SLX4IP: variants seen among roughly 807,000 people sequenced by gnomAD.
The protein encoded by SLX4IP is SLX4 interacting protein.
In SLX4IP, 34 loss-of-function variants were observed where a neutral mutation model predicts 32.9. That is an observed-to-expected ratio of 1.03 (90% CI 0.79 to 1.38). The LOEUF (loss-of-function observed/expected upper bound fraction) is 1.38. SLX4IP is among the 40% of genes most tolerant of loss of function. SLX4IP has a pLI of 0.00. For synonymous variants in SLX4IP, 172 were observed against 171.7 expected, an observed-to-expected ratio of 1.00 and a Z score of -0.01; for missense variants, 444 against 479.0, an observed-to-expected ratio of 0.93 and a Z score of 0.68.
chr20:10,437,196 G>C (rs893181690), intron 1 of SLX4IP, among the ~76,000 whole-genome samples: 1 of 152,108 alleles, frequency 6.6e-6, no homozygotes, highest in African/African-American at 2.4e-5. Context: ...TGGGATCATA[G>C]CTCACTGTAA....
chr20:10,524,169 C>G (rs631484), intron 2 of SLX4IP, among the ~76,000 whole-genome samples: 79,504 of 152,114 alleles, frequency 0.52, 21,743 homozygotes, highest in South Asian at 0.69. Context: ...AGCTGCAGGC[C>G]TCATGGGGTT....
chr20:10,443,227 AC>A (rs1338239502), intron 1 of SLX4IP, among the ~76,000 whole-genome samples: 32 of 152,166 alleles, frequency 2.1e-4, no homozygotes, highest in Admixed American at 2.0e-3. Context: ...CTAAAAAAAA[AC>A]AAAAACAAAA....
intron 2 of SLX4IP, among the ~76,000 whole-genome samples, chr20:10,510,636 C>T (rs1267966162): frequency 1.3e-5 from 2 of 149,586 alleles, no homozygotes; most frequent in Admixed American, 6.7e-5. Context: ...GATGCAGTCT[C>T]GCTCTGTCAC....
intron 2 of SLX4IP, among the ~76,000 whole-genome samples, chr20:10,539,416 T>C (rs1439793266): frequency 6.6e-6 from 1 of 152,076 alleles, no homozygotes; most frequent in Non-Finnish European, 1.5e-5. Context: ...AGTAAATCTG[T>C]AGGGAATCCT....
At chr20:10,552,933 T>C (rs776488249) in intron 2 of SLX4IP, among the ~76,000 whole-genome samples, 1 of 151,794 alleles carries the variant, frequency 6.6e-6, no homozygotes, top group African/African-American at 2.4e-5. Flanking sequence ...TTGGTTTAGA[T>C]TAAAAAATCA....
intron 4 of SLX4IP, among the ~76,000 whole-genome samples, chr20:10,568,394 G>A (rs985119682): frequency 1.3e-5 from 2 of 152,196 alleles, no homozygotes; most frequent in Non-Finnish European, 2.9e-5. Flanking sequence ...TTCTGTGTTC[G>A]CTGTTCACTG....
intron 2 of SLX4IP, among the ~76,000 whole-genome samples, chr20:10,513,589 A>C (rs2065828201): frequency 6.6e-6 from 1 of 152,226 alleles, no homozygotes. Flanking sequence ...GAGAGACTTG[A>C]GGGCAGAAGA....
chr20:10,561,698 A>G (rs558393543), intron 4 of SLX4IP, among the ~76,000 whole-genome samples: 29 of 152,044 alleles, frequency 1.9e-4, no homozygotes, highest in African/African-American at 6.8e-4. Flanking sequence ...CCCAAAGTCT[A>G]TTGTGCCATT....
intron 1 of SLX4IP, among the ~76,000 whole-genome samples, chr20:10,435,808 T>A (rs2065106712): frequency 6.6e-6 from 1 of 152,176 alleles, no homozygotes; most frequent in African/African-American, 2.4e-5. Context: ...AAATACAGAT[T>A]GCGTTTGTAT....
At chr20:10,594,076 G>A (rs1302169297) in intron 4 of SLX4IP, among the ~76,000 whole-genome samples, 2 of 152,184 alleles carry the variant, frequency 1.3e-5, no homozygotes, top group Non-Finnish European at 2.9e-5. Flanking sequence ...AAGGTTTCAT[G>A]ATGTCCACTT....
intron 2 of SLX4IP, among the ~76,000 whole-genome samples, chr20:10,460,250 C>T (rs36069205): frequency 0.37 from 56,484 of 152,116 alleles, 12,320 homozygotes; most frequent in Non-Finnish European, 0.49. Flanking sequence ...TTTCTTCTGG[C>T]ATCTTTTATT....
intron 2 of SLX4IP, among the ~76,000 whole-genome samples, chr20:10,548,359 C>T (rs1383875198): frequency 2.0e-5 from 3 of 152,152 alleles, no homozygotes; most frequent in African/African-American, 7.2e-5. Context: ...CTGCCTCAGC[C>T]TCCCGAGTAG....
intron 3 of SLX4IP, among the ~76,000 whole-genome samples, chr20:10,560,283 C>T (rs2066317561): frequency 6.6e-6 from 1 of 152,242 alleles, no homozygotes; most frequent in South Asian, 2.1e-4. Flanking sequence ...GGGTGTTTCC[C>T]TGGGGCCCTT....
At chr20:10,576,233 G>A (rs1037890552) in intron 4 of SLX4IP, among the ~76,000 whole-genome samples, 2 of 152,038 alleles carry the variant, frequency 1.3e-5, no homozygotes, top group Admixed American at 1.3e-4. Flanking sequence ...CTATAAACTG[G>A]GCAGGGGAAT....
intron 2 of SLX4IP, among the ~76,000 whole-genome samples, chr20:10,555,118 C>T (rs1409564747): frequency 6.6e-6 from 1 of 151,618 alleles, no homozygotes; most frequent in African/African-American, 2.4e-5. Context: ...TGTCAAGTTT[C>T]ACTTTATATT....
intron 1 of SLX4IP, among the ~76,000 whole-genome samples, chr20:10,438,732 A>C (rs2065136985): frequency 6.6e-6 from 1 of 151,832 alleles, no homozygotes; most frequent in Non-Finnish European, 1.5e-5. Flanking sequence ...GGCATCCCAA[A>C]GTGCTGGGAT....
At chr20:10,447,999 C>A (rs2065214961) in intron 1 of SLX4IP, among the ~76,000 whole-genome samples, 1 of 152,000 alleles carries the variant, frequency 6.6e-6, no homozygotes, top group Admixed American at 6.6e-5. Flanking sequence ...GCCACTGAAC[C>A]CGGCCTCTAC....
At chr20:10,618,004 G>T (rs1247536788) in intron 6 of SLX4IP, among the ~76,000 whole-genome samples, 1 of 152,154 alleles carries the variant, frequency 6.6e-6, no homozygotes, top group African/African-American at 2.4e-5. Context: ...GGATATCTTA[G>T]GCACCTAGCT....
At chr20:10,556,198 A>G in intron 2 of SLX4IP, 33 bp from the exon 3 acceptor site, 3 of 1,592,860 alleles carry the variant, frequency 1.9e-6, no homozygotes, top group Non-Finnish European at 2.6e-6. Context: ...CATGAGCCGC[A>G]CAGACACTGA....
Sources: allele counts gnomAD v4.1 joint callset (sites outside exome capture counted in the v4.1 genomes callset), GRCh38; gene constraint gnomAD v4.1.1; transcripts MANE v1.5; gene names NCBI Gene and HGNC (gene_info 2026-07-23, HGNC 2026-07-21).